The following WASF2 variants were observed in gnomAD, a reference collection of about 807,000 sequenced individuals.
The protein encoded by WASF2 is WASP family member 2.
A neutral mutation model predicts 45.0 loss-of-function variants in WASF2; 14 were observed. The observed-to-expected ratio is 0.31, with a 90% CI of 0.21 to 0.49. The LOEUF is 0.49. Ranked by LOEUF, WASF2 falls within the 20% of genes least tolerant of loss-of-function variation. The pLI is 0.99. For missense variants in WASF2, 439 were observed against 636.1 expected (o/e 0.69, Z 3.33); for synonymous variants, 200 against 236.3 (o/e 0.85, Z 1.41).
At chr1:27,415,914 C>T in intron 5 of WASF2, 71 bp downstream of exon 5, 4 of 1,309,398 alleles carry the variant, frequency 3.1e-6, no homozygotes, top group Non-Finnish European at 4.4e-6. Context: ...TCACATAACA[C>T]TGGCTTCCTT....
chr1:27,416,807 T>C (rs557353642), intron 4 of WASF2, among the ~76,000 whole-genome samples: 1 of 152,328 alleles, frequency 6.6e-6, no homozygotes, highest in East Asian at 1.9e-4. Flanking sequence ...GTAAACTACT[T>C]AGTGTCCATA....
At chr1:27,477,304 C>A (rs907483520) in intron 1 of WASF2, among the ~76,000 whole-genome samples, 39 of 152,024 alleles carry the variant, frequency 2.6e-4, no homozygotes, top group Non-Finnish European at 5.0e-4. Flanking sequence ...CTTTGGGAGG[C>A]TGATGCTGGC....
chr1:27,487,653 A>G lies in WASF2; in HGVS notation c.-44+2333T>C, dbSNP rs1407260839. 1.1e-3 allele frequency among the ~76,000 whole-genome samples: 102 copies of G among 93,732 alleles called. 1 individual carries two copies. Among genetic ancestry groups the G allele is most frequent in the African/African-American group, 4.2e-3 (88 of 20,848 alleles). The allele number at this position is 93,732 out of a possible 152,430, so 61.5% of individuals were successfully genotyped here. On this transcript the variant is annotated intron_variant, in intron 1 of 8. Transcript: ENST00000618852. Reference sequence around the variant, plus strand: ...CAATATATAATATATATTATATATTATATAATATATATTATATATATTTTA... The same window carrying G: ...CAATATATAATATATATTATATATTGTATAATATATATTATATATATTTTA...
Position 27,425,348 on chromosome 1 carries a change from A to G in WASF2, c.130+3413T>C, listed in dbSNP as rs545241381. On this transcript the variant is annotated intron_variant, in intron 2 of 8. Transcript: ENST00000618852. ...AGCAATACTTGTGTCTCAGCCTCCT[A>G]GAGTACTGGGATTACAGGTGTGAGC... Among the ~76,000 whole-genome samples, 8 of 152,268 alleles carry G rather than the reference A, an allele frequency of 5.3e-5. No homozygotes were observed. In the South Asian group the frequency reaches 1.7e-3, roughly 32 times the overall value.
At chr1:27,440,166 G>A (rs1321717922) in intron 1 of WASF2, among the ~76,000 whole-genome samples, 1 of 152,130 alleles carries the variant, frequency 6.6e-6, no homozygotes, top group Admixed American at 6.5e-5. Context: ...AATTCCAATG[G>A]GTTTCTACCA....
intron 1 of WASF2, among the ~76,000 whole-genome samples, chr1:27,487,204 C>T (rs1424941011): frequency 6.9e-6 from 1 of 145,974 alleles, no homozygotes; most frequent in Non-Finnish European, 1.5e-5. Flanking sequence ...GGGTTCACAC[C>T]ATTCTCCTGC....
chr1:27,430,958 C>CT (rs2017054172), intron 1 of WASF2, among the ~76,000 whole-genome samples: 1 of 152,038 alleles, frequency 6.6e-6, no homozygotes, highest in African/African-American at 2.4e-5. Flanking sequence ...AAAAAAAAAT[C>CT]TTTCAGGCTC....
chr1:27,480,479 T>C (rs2017831677), intron 1 of WASF2, among the ~76,000 whole-genome samples: 1 of 149,816 alleles, frequency 6.7e-6, no homozygotes, highest in Admixed American at 6.7e-5. Flanking sequence ...ATAGCACCAC[T>C]GCACTCCAGC....
intron 3 of WASF2, 93 bp downstream of exon 3, chr1:27,418,861 C>A: frequency 7.3e-7 from 1 of 1,376,538 alleles, no homozygotes; most frequent in East Asian, 2.4e-5. Context: ...TGATTTCTCT[C>A]CTCACGTTTT....
At chr1:27,468,284 G>A (rs1013044908) in intron 1 of WASF2, among the ~76,000 whole-genome samples, 4 of 152,018 alleles carry the variant, frequency 2.6e-5, no homozygotes, top group Non-Finnish European at 5.9e-5. Context: ...AGTCCAGAAC[G>A]GGAGAATTAC....
chr1:27,413,181 G>C (rs148119611), intron 6 of WASF2, among the ~76,000 whole-genome samples: 4 of 152,224 alleles, frequency 2.6e-5, no homozygotes, highest in African/African-American at 9.6e-5. Context: ...GAGCTCGAAG[G>C]CCAAGGAGGC....
intron 1 of WASF2, among the ~76,000 whole-genome samples, chr1:27,466,532 T>C (rs1356667502): frequency 6.6e-6 from 1 of 152,172 alleles, no homozygotes; most frequent in Non-Finnish European, 1.5e-5. Context: ...CAAACCGATA[T>C]GTGCCGTAAG....
At chr1:27,449,860 T>C (rs2017360728) in intron 1 of WASF2, among the ~76,000 whole-genome samples, 2 of 151,836 alleles carry the variant, frequency 1.3e-5, no homozygotes, top group African/African-American at 2.4e-5. Flanking sequence ...TTGAAAATTA[T>C]TGGCTGGGCA....
chr1:27,432,511 G>A (rs926337233), intron 1 of WASF2, among the ~76,000 whole-genome samples: 6 of 151,516 alleles, frequency 4.0e-5, no homozygotes, highest in Non-Finnish European at 8.8e-5. Flanking sequence ...AGCTGGGCGC[G>A]GTGGCAGGCG....
chr1:27,451,879 T>C (rs1380058567), intron 1 of WASF2, among the ~76,000 whole-genome samples: 1 of 152,214 alleles, frequency 6.6e-6, no homozygotes, highest in Non-Finnish European at 1.5e-5. Flanking sequence ...TTTCTATACA[T>C]ACATATGATA....
At chr1:27,487,469 A>G (rs1245736214) in intron 1 of WASF2, among the ~76,000 whole-genome samples, 3 of 117,914 alleles carry the variant, frequency 2.5e-5, no homozygotes, top group Admixed American at 2.4e-4. Flanking sequence ...TTATATAAAT[A>G]TATTTTATAT....
chr1:27,413,659 T>C (rs1195099104), intron 6 of WASF2, among the ~76,000 whole-genome samples: 1 of 152,190 alleles, frequency 6.6e-6, no homozygotes, highest in East Asian at 1.9e-4. Context: ...CCAAACCGCC[T>C]GGACAACAGG....
At position 27,415,967 on chromosome 1, in the gene WASF2, A is replaced by G; in HGVS notation, c.537+18T>C. On this transcript the variant is annotated intron_variant, in intron 5 of 8. Transcript: ENST00000618852. The stretch of plus-strand genomic sequence containing the variant: ...TCGTGCCTACTGATGTGGAGAACAG[A>G]GGCCCCTTTCCCCTCACCCTATGCT... 1 of 1,598,422 alleles carries G rather than the reference A, an allele frequency of 6.3e-7. No individual in the cohort carries two copies. Among genetic ancestry groups the G allele is most frequent in the Non-Finnish European group, 8.6e-7 (1 of 1,166,010 alleles).
intron 1 of WASF2, among the ~76,000 whole-genome samples, chr1:27,432,520 C>T (rs937653885): frequency 6.6e-5 from 10 of 151,368 alleles, no homozygotes; most frequent in East Asian, 3.9e-4. Context: ...CGGTGGCAGG[C>T]GCCTGTAGTC....
Sources: gnomAD v4.1 joint callset for allele counts (sites outside exome capture counted in the v4.1 genomes callset) on GRCh38, gnomAD v4.1.1 for gene constraint, MANE v1.5 for transcripts, NCBI Gene and HGNC (gene_info 2026-07-23, HGNC 2026-07-21) for gene names.